Variants in LTBP1 observed in about 807,000 individuals in gnomAD.
The protein encoded by LTBP1 is latent-transforming growth factor beta-binding protein 1.
A neutral mutation model predicts 207.6 loss-of-function variants in LTBP1; 129 were observed. The ratio of observed to expected loss-of-function variants is 0.62; its 90% confidence interval spans 0.54 to 0.72. LTBP1 has a LOEUF of 0.72. Among genes scored for constraint, LTBP1 ranks in the 30% least tolerant of loss-of-function variants. The probability of loss-of-function intolerance (pLI) is 0.00; values close to 1 mark genes in which losing one functional copy is unlikely to be tolerated. For synonymous variants in LTBP1, 963 were observed against 833.7 expected (o/e 1.16, Z -2.67); for missense variants, 2,281 against 2,217.2 (o/e 1.03, Z -0.58).
chr2:33,385,737 G>T (rs1353940492), intron 31 of LTBP1, among the ~76,000 whole-genome samples: 2 of 152,170 alleles, frequency 1.3e-5, no homozygotes, highest in African/African-American at 4.8e-5. Context: ...GTGCATGATG[G>T]GAAGGGCGGC....
chr2:33,192,898 G>A (rs1290658629), intron 7 of LTBP1, among the ~76,000 whole-genome samples: 1 of 152,142 alleles, frequency 6.6e-6, no homozygotes, highest in African/African-American at 2.4e-5. Context: ...TTTATAACAA[G>A]TCCACTCTGG....
intron 5 of LTBP1, among the ~76,000 whole-genome samples, chr2:33,157,049 G>A (rs561961729): frequency 3.9e-5 from 6 of 152,266 alleles, no homozygotes; most frequent in African/African-American, 1.4e-4. Context: ...GAAGAGCAGA[G>A]GTTTTGTTTG....
intron 11 of LTBP1, among the ~76,000 whole-genome samples, chr2:33,253,660 A>T (rs190821163): frequency 1.3e-5 from 2 of 152,272 alleles, no homozygotes; most frequent in Non-Finnish European, 2.9e-5. Flanking sequence ...CTTAACTCTC[A>T]CAGGGCCATG....
chr2:33,334,095 G>A (rs2094527458), intron 24 of LTBP1, among the ~76,000 whole-genome samples: 1 of 152,342 alleles, frequency 6.6e-6, no homozygotes, highest in Admixed American at 6.5e-5. Context: ...ACAAAATGGT[G>A]ACCTTATCAG....
At chr2:33,305,249 A>G (rs1373099353) in intron 22 of LTBP1, among the ~76,000 whole-genome samples, 1 of 152,182 alleles carries the variant, frequency 6.6e-6, no homozygotes, top group African/African-American at 2.4e-5. Context: ...ACTCGAACCC[A>G]GGAGGCAGAG....
At chr2:33,049,203 T>C (rs536283192) in intron 3 of LTBP1, among the ~76,000 whole-genome samples, 1 of 152,192 alleles carries the variant, frequency 6.6e-6, no homozygotes, top group Non-Finnish European at 1.5e-5. Flanking sequence ...CTTAAAAATA[T>C]TGGAAACAAA....
intron 4 of LTBP1, among the ~76,000 whole-genome samples, chr2:33,115,037 T>TACACACACACACAC (rs60544598): frequency 8.3e-5 from 12 of 145,264 alleles, no homozygotes; most frequent in Admixed American, 1.4e-4. Context: ...AACAGATATA[T>TACACACACACACAC]ACACACACAC....
chr2:33,074,742 C>T (rs1026855264), intron 3 of LTBP1, among the ~76,000 whole-genome samples: 4 of 152,092 alleles, frequency 2.6e-5, no homozygotes, highest in Admixed American at 1.3e-4. Context: ...TGGTGGCAGT[C>T]GCCTGTAGTC....
chr2:33,180,821 T>G (rs2086547642), intron 5 of LTBP1, among the ~76,000 whole-genome samples: 1 of 152,164 alleles, frequency 6.6e-6, no homozygotes, highest in African/African-American at 2.4e-5. Context: ...TATAACATAT[T>G]TGTTATCCTA....
intron 3 of LTBP1, among the ~76,000 whole-genome samples, chr2:33,048,706 C>T (rs985453347): frequency 6.6e-6 from 1 of 152,120 alleles, no homozygotes; most frequent in African/African-American, 2.4e-5. Context: ...GTGTGTGCTC[C>T]GTTGACAGGG....
At chr2:33,067,568 T>C (rs2077576372) in intron 3 of LTBP1, among the ~76,000 whole-genome samples, 1 of 152,256 alleles carries the variant, frequency 6.6e-6, no homozygotes, top group East Asian at 1.9e-4. Flanking sequence ...ACAAATGGCA[T>C]CTGTACTGAA....
chr2:33,228,285 A>G (rs1396687464), intron 9 of LTBP1, among the ~76,000 whole-genome samples: 2 of 152,224 alleles, frequency 1.3e-5, no homozygotes, highest in Non-Finnish European at 2.9e-5. Flanking sequence ...ACTGTGTGCC[A>G]GATGCTTTGT....
chr2:33,201,187 T>C (rs1322746278), intron 7 of LTBP1, among the ~76,000 whole-genome samples: 6 of 152,190 alleles, frequency 3.9e-5, no homozygotes, highest in Non-Finnish European at 8.8e-5. Context: ...CGTATGTTTA[T>C]TGCGGCAGTA....
At chr2:32,978,885 T>TA (rs2148690244) in intron 2 of LTBP1, among the ~76,000 whole-genome samples, 1 of 152,002 alleles carries the variant, frequency 6.6e-6, no homozygotes, top group South Asian at 2.1e-4. Flanking sequence ...TTGATATCAT[T>TA]ACTCAGTCTG....
chr2:33,018,867 AT>A (rs200416811), intron 2 of LTBP1, among the ~76,000 whole-genome samples: 137 of 146,546 alleles, frequency 9.3e-4, no homozygotes, highest in Middle Eastern at 3.5e-3. Context: ...AGCTGGCTCC[AT>A]TTTTTTTTTT....
chr2:33,250,824 T>C (rs1279922058), intron 10 of LTBP1, among the ~76,000 whole-genome samples: 1 of 152,094 alleles, frequency 6.6e-6, no homozygotes, highest in Non-Finnish European at 1.5e-5. Context: ...AACGTACCAC[T>C]ACCATCACAG....
intron 7 of LTBP1, among the ~76,000 whole-genome samples, chr2:33,202,060 C>CACACACAG (rs745450541): frequency 6.9e-6 from 1 of 145,042 alleles, no homozygotes; most frequent in Non-Finnish European, 1.5e-5. Flanking sequence ...CACACACACA[C>CACACACAG]AGAGCATTCT....
intron 9 of LTBP1, among the ~76,000 whole-genome samples, chr2:33,229,984 A>G (rs1264980012): frequency 1.3e-5 from 2 of 152,242 alleles, no homozygotes; most frequent in Non-Finnish European, 2.9e-5. Context: ...TGAAATTACT[A>G]TTGAGAGAAG....
At chr2:33,192,818 C>G (rs1229098809) in intron 7 of LTBP1, among the ~76,000 whole-genome samples, 1 of 152,160 alleles carries the variant, frequency 6.6e-6, no homozygotes. Context: ...TGACCAGGGC[C>G]TTCTTACTAA....
Sources: allele counts gnomAD v4.1 joint callset (sites outside exome capture counted in the v4.1 genomes callset), GRCh38; gene constraint gnomAD v4.1.1; transcripts MANE v1.5; gene names NCBI Gene and HGNC (gene_info 2026-07-23, HGNC 2026-07-21).